LRP1B: variants seen among roughly 807,000 people sequenced by gnomAD.
LRP1B encodes low-density lipoprotein receptor-related protein 1B.
A neutral mutation model predicts 556.6 loss-of-function variants in LRP1B; 217 were observed. That is an observed-to-expected ratio of 0.39 (90% CI 0.35 to 0.44). The LOEUF (loss-of-function observed/expected upper bound fraction) is 0.44. Ranked by LOEUF, LRP1B falls within the 20% of genes least tolerant of loss-of-function variation. The pLI, the probability that LRP1B is intolerant of heterozygous loss-of-function variation, is 1.00. For missense variants in LRP1B, 5,053 were observed against 5,620.8 expected (o/e 0.90, Z 3.23); for synonymous variants, 2,047 against 1,865.8 (o/e 1.10, Z -2.50).
At chr2:141,496,880 GTC>G (rs1683528520) in intron 2 of LRP1B, among the ~76,000 whole-genome samples, 1 of 151,946 alleles carries the variant, frequency 6.6e-6, no homozygotes, top group Admixed American at 6.6e-5. Context: ...TATGAAAAAA[GTC>G]TGTTTTCTGT....
intron 3 of LRP1B, among the ~76,000 whole-genome samples, chr2:141,278,591 T>C (rs1438541389): frequency 2.0e-5 from 3 of 152,178 alleles, no homozygotes; most frequent in Admixed American, 2.0e-4. Context: ...TGTAACACTA[T>C]GGCTAAAATG....
intron 2 of LRP1B, among the ~76,000 whole-genome samples, chr2:141,703,366 T>C (rs1692019180): frequency 6.6e-6 from 1 of 151,954 alleles, no homozygotes; most frequent in Non-Finnish European, 1.5e-5. Context: ...GGGTGTTAAA[T>C]TAAAAGGCAA....
intron 3 of LRP1B, among the ~76,000 whole-genome samples, chr2:141,348,188 G>A (rs1051341674): frequency 1.1e-4 from 16 of 152,018 alleles, no homozygotes; most frequent in Non-Finnish European, 5.9e-5. Flanking sequence ...CGTTGTGTGG[G>A]TAAAAGGGAA....
chr2:142,108,431 T>TA (rs1706837303), intron 1 of LRP1B, among the ~76,000 whole-genome samples: 1 of 152,096 alleles, frequency 6.6e-6, no homozygotes, highest in Non-Finnish European at 1.5e-5. Context: ...AGATGTTCAA[T>TA]AAAAAAACCA....
intron 3 of LRP1B, among the ~76,000 whole-genome samples, chr2:141,406,415 AG>A (rs1690636335): frequency 6.6e-6 from 1 of 152,114 alleles, no homozygotes; most frequent in Non-Finnish European, 1.5e-5. Context: ...AAGGAACATA[AG>A]GTCAGACTAG....
At chr2:141,980,353 C>T (rs191752426) in intron 1 of LRP1B, among the ~76,000 whole-genome samples, 2 of 152,212 alleles carry the variant, frequency 1.3e-5, no homozygotes, top group East Asian at 3.9e-4. Context: ...CCTAGAAAGG[C>T]TTTGCACAAT....
At chr2:141,998,601 C>T (rs921346647) in intron 1 of LRP1B, among the ~76,000 whole-genome samples, 3 of 152,162 alleles carry the variant, frequency 2.0e-5, no homozygotes, top group Admixed American at 6.6e-5. Flanking sequence ...GTGTCTATGA[C>T]ATAGCCTCAG....
intron 1 of LRP1B, among the ~76,000 whole-genome samples, chr2:141,977,561 CA>C (rs1017374340): frequency 1.3e-5 from 2 of 151,330 alleles, no homozygotes; most frequent in Admixed American, 1.3e-4. Flanking sequence ...GACTTCATCT[CA>C]AAAAAAAGTG....
chr2:140,278,125 T>C (rs981070282), intron 84 of LRP1B, among the ~76,000 whole-genome samples: 2 of 151,848 alleles, frequency 1.3e-5, no homozygotes, highest in African/African-American at 4.8e-5. Context: ...ACAAAATATG[T>C]ATACTACATT....
chr2:141,879,552 G>GT (rs1022083861), intron 1 of LRP1B, among the ~76,000 whole-genome samples: 6 of 151,012 alleles, frequency 4.0e-5, no homozygotes, highest in Non-Finnish European at 8.9e-5. Context: ...TCTATCCAGG[G>GT]TTTTTTTTTG....
intron 7 of LRP1B, among the ~76,000 whole-genome samples, chr2:141,176,400 G>A (rs1030032082): frequency 1.3e-5 from 2 of 152,002 alleles, no homozygotes; most frequent in African/African-American, 4.8e-5. Context: ...TCTCATGATA[G>A]TGAGTAAGTT....
rs75288340 is a variant in LRP1B at position 141,404,127 on chromosome 2, T to G, written c.343+76269A>C. On this transcript the variant is annotated intron_variant, in intron 3 of 90. Coordinates refer to ENST00000389484, the MANE Select transcript of LRP1B (RefSeq NM_018557.3). ...TTAAGATAAAAATATGGTAAATTAC[T>G]TGTTAATACAATCCTATTTCATCCC... Among the ~76,000 whole-genome samples, 508 of 152,290 alleles carry G rather than the reference T, an allele frequency of 3.3e-3. 3 individuals are homozygous for G. The highest frequency in any genetic ancestry group is 0.012 in the African/African-American group (491 of 41,574).
intron 1 of LRP1B, among the ~76,000 whole-genome samples, chr2:141,957,258 A>G (rs1053832858): frequency 1.3e-5 from 2 of 151,892 alleles, no homozygotes; most frequent in Non-Finnish European, 2.9e-5. Context: ...CACAGTCACA[A>G]GGCATGGGCT....
intron 86 of LRP1B, among the ~76,000 whole-genome samples, chr2:140,253,009 T>C (rs553063986): frequency 6.6e-6 from 1 of 152,242 alleles, no homozygotes; most frequent in Admixed American, 6.6e-5. Context: ...ATTTATTCAA[T>C]ACTGTTCTCA....
At chr2:140,296,103 G>C (rs1285209736) in intron 84 of LRP1B, among the ~76,000 whole-genome samples, 1 of 152,072 alleles carries the variant, frequency 6.6e-6, no homozygotes. Context: ...TCTCTAATTG[G>C]GAAGTCTGAA....
intron 84 of LRP1B, among the ~76,000 whole-genome samples, chr2:140,292,455 C>A (rs1223656915): frequency 6.6e-6 from 1 of 152,086 alleles, no homozygotes; most frequent in Admixed American, 6.6e-5. Context: ...TTTGCATATG[C>A]TGCTCCCCCT....
At chr2:140,369,267 A>G (rs1286613416) in intron 71 of LRP1B, among the ~76,000 whole-genome samples, 3 of 151,934 alleles carry the variant, frequency 2.0e-5, no homozygotes, top group East Asian at 1.9e-4. Flanking sequence ...ACCTTGTAAC[A>G]GTAAATAGGA....
chr2:142,084,945 C>A (rs1705857607), intron 1 of LRP1B, among the ~76,000 whole-genome samples: 1 of 152,170 alleles, frequency 6.6e-6, no homozygotes. Context: ...GAGTGCATAT[C>A]TGACCTTTTT....
intron 52 of LRP1B, among the ~76,000 whole-genome samples, chr2:140,509,623 C>T (rs998402682): frequency 6.6e-6 from 1 of 152,166 alleles, no homozygotes; most frequent in African/African-American, 2.4e-5. Context: ...AGTACCAAAC[C>T]TACTGCACTC....
Sources: allele counts gnomAD v4.1 joint callset (sites outside exome capture counted in the v4.1 genomes callset), GRCh38; gene constraint gnomAD v4.1.1; transcripts MANE v1.5; gene names NCBI Gene and HGNC (gene_info 2026-07-23, HGNC 2026-07-21).